Variants in TOPAZ1 observed in about 807,000 individuals in gnomAD.
TOPAZ1 encodes protein TOPAZ1.
A neutral mutation model predicts 172.2 loss-of-function variants in TOPAZ1; 66 were observed. The ratio of observed to expected loss-of-function variants is 0.38; its 90% CI spans 0.31 to 0.47. The LOEUF is 0.47. Ranked by LOEUF, TOPAZ1 falls within the 20% of genes least tolerant of loss-of-function variation. The probability of loss-of-function intolerance (pLI) is 0.99; values close to 1 mark genes in which losing one functional copy is unlikely to be tolerated. For missense variants in TOPAZ1, 1,822 were observed against 1,972.4 expected (o/e 0.92, Z 1.44); for synonymous variants, 681 against 683.9 (o/e 1.00, Z 0.07).
At chr3:44,301,567 T>C (rs1193646726) in intron 12 of TOPAZ1, among the ~76,000 whole-genome samples, 1 of 152,218 alleles carries the variant, frequency 6.6e-6, no homozygotes, top group East Asian at 1.9e-4. Context: ...TTTGCCAATC[T>C]ATTAGATGAC....
chr3:44,318,349 G>A (rs544077460), intron 16 of TOPAZ1, among the ~76,000 whole-genome samples: 3 of 152,130 alleles, frequency 2.0e-5, no homozygotes, highest in African/African-American at 4.8e-5. Flanking sequence ...CTACTAAGGA[G>A]GCTGAGGCAG....
intron 4 of TOPAZ1, among the ~76,000 whole-genome samples, chr3:44,261,945 A>T (rs1699780123): frequency 6.6e-6 from 1 of 152,062 alleles, no homozygotes; most frequent in Admixed American, 6.6e-5. Context: ...TTAATATTTG[A>T]ACATGTATAA....
intron 16 of TOPAZ1, among the ~76,000 whole-genome samples, chr3:44,313,733 TAAC>T (rs1317387777): frequency 2.6e-5 from 4 of 152,206 alleles, no homozygotes; most frequent in African/African-American, 7.2e-5. Context: ...AGATGTTAGT[TAAC>T]AATTCCAGAT....
chr3:44,300,103 A>C lies in TOPAZ1; in HGVS notation c.3798-3912A>C, dbSNP rs375341084. On this transcript the variant is annotated intron_variant, in intron 12 of 19. Coordinates refer to ENST00000309765, the MANE Select transcript of TOPAZ1 (RefSeq NM_001145030.2). Reference sequence around the variant, plus strand: ...TGTACCCTAAAACTTAAAGTATAATAATAATAAAATAAATAAATAAATAAA... The same window carrying C: ...TGTACCCTAAAACTTAAAGTATAATCATAATAAAATAAATAAATAAATAAA... 1.2e-4 allele frequency among the ~76,000 whole-genome samples: 18 copies of C among 150,894 alleles called. No individual in the cohort carries two copies. In the East Asian group the frequency reaches 1.7e-3, roughly 15 times the overall value.
chr3:44,267,499 G>A (rs1295627282), intron 6 of TOPAZ1, among the ~76,000 whole-genome samples: 1 of 151,938 alleles, frequency 6.6e-6, no homozygotes, highest in Non-Finnish European at 1.5e-5. Context: ...GTTTAACGGT[G>A]TTGGCCAGGC....
chr3:44,333,620 G>T (rs934127413), downstream of TOPAZ1, among the ~76,000 whole-genome samples: 3 of 152,128 alleles, frequency 2.0e-5, no homozygotes, highest in East Asian at 5.8e-4. Flanking sequence ...TGGATGGAAT[G>T]GTTTACAAGT....
intron 12 of TOPAZ1, among the ~76,000 whole-genome samples, chr3:44,293,333 G>A (rs1372782695): frequency 1.3e-5 from 2 of 152,028 alleles, no homozygotes; most frequent in African/African-American, 2.4e-5. Flanking sequence ...ACAGATTCAG[G>A]CAGGTCCTCC....
chr3:44,306,105 G>GA (rs906976145), intron 14 of TOPAZ1, among the ~76,000 whole-genome samples: 5 of 152,146 alleles, frequency 3.3e-5, no homozygotes, highest in African/African-American at 1.2e-4. Flanking sequence ...TTTAGGCTTC[G>GA]AACACACCAC....
chr3:44,274,115 T>C (rs1009990293), intron 8 of TOPAZ1, among the ~76,000 whole-genome samples: 7 of 143,444 alleles, frequency 4.9e-5, no homozygotes, highest in South Asian at 2.2e-4. Context: ...CCCTGTCTCT[T>C]TTTTTTTTTT....
intron 18 of TOPAZ1, among the ~76,000 whole-genome samples, chr3:44,327,797 TAC>T (rs958442839): frequency 1.3e-4 from 19 of 151,980 alleles, no homozygotes; most frequent in African/African-American, 4.4e-4. Context: ...TAGGCTGGAG[TAC>T]AGTGGCACAA....
intron 8 of TOPAZ1, among the ~76,000 whole-genome samples, chr3:44,276,162 GTGTT>G (rs1485703995): frequency 1.3e-5 from 2 of 151,994 alleles, no homozygotes. Flanking sequence ...TCTCTTCACT[GTGTT>G]TGCTGTGCAG....
rs200454057 is a variant in TOPAZ1 at position 44,243,795 on chromosome 3, A to G, written c.1289A>G (p.Asn430Ser). The change falls in exon 2 of 20, where the codon AAT becomes AGT. Residue 430 changes from asparagine to serine, a missense_variant. Around this residue, in one of 2 missense-constraint regions of TOPAZ1, gnomAD observed 1,489 missense variants for 1,490.8 expected, o/e 1.00. Transcript: ENST00000309765. ...IEPLLKEETE[N>S]ASEPLGYESM... Reference sequence around the variant, plus strand: ...CCACTTTTGAAAGAAGAAACAGAGAATGCTTCAGAGCCGTTAGGTTATGAA... The same window carrying G: ...CCACTTTTGAAAGAAGAAACAGAGAGTGCTTCAGAGCCGTTAGGTTATGAA... 9.0e-6 allele frequency: 14 copies of G among 1,551,650 alleles called. No individual in the cohort carries two copies. The South Asian group carries it at 1.3e-4, about 15-fold the overall frequency.
intron 8 of TOPAZ1, among the ~76,000 whole-genome samples, chr3:44,275,685 T>C (rs1166865553): frequency 6.6e-6 from 1 of 152,058 alleles, no homozygotes; most frequent in Non-Finnish European, 1.5e-5. Flanking sequence ...CCCTTTAATT[T>C]ACTAATTTTT....
At chr3:44,289,753 C>G (rs1161709242) in intron 11 of TOPAZ1, among the ~76,000 whole-genome samples, 1 of 152,152 alleles carries the variant, frequency 6.6e-6, no homozygotes, top group African/African-American at 2.4e-5. Flanking sequence ...CCACTTACCC[C>G]TGGTATTGTT....
chr3:44,329,356 T>C (rs1321457816), intron 19 of TOPAZ1, among the ~76,000 whole-genome samples: 2 of 152,186 alleles, frequency 1.3e-5, no homozygotes, highest in Non-Finnish European at 2.9e-5. Context: ...AGAGGATCCT[T>C]TTGCTAGATG....
At chr3:44,275,424 G>C (rs935630632) in intron 8 of TOPAZ1, among the ~76,000 whole-genome samples, 1 of 151,856 alleles carries the variant, frequency 6.6e-6, no homozygotes, top group Non-Finnish European at 1.5e-5. Flanking sequence ...AACTTCTTTA[G>C]CTCCCACGTA....
intron 2 of TOPAZ1, among the ~76,000 whole-genome samples, chr3:44,254,718 G>T (rs1042102424): frequency 6.6e-6 from 1 of 150,530 alleles, no homozygotes; most frequent in Non-Finnish European, 1.5e-5. Flanking sequence ...TGTATATCTT[G>T]TCAAGCTCTC....
intron 17 of TOPAZ1, 65 bp from the exon 18 acceptor site, chr3:44,323,027 A>G: frequency 9.1e-7 from 1 of 1,104,516 alleles, no homozygotes; most frequent in Non-Finnish European, 1.3e-6. Context: ...AAAAAGGAGT[A>G]TGAGATGGAG....
rs148372398 is a variant in TOPAZ1, at chr3:44,259,416, C to G, written c.2956-3003C>G. Among the ~76,000 whole-genome samples the G allele has an allele frequency of 4.1e-3, 629 of 152,276 alleles. 9 individuals are homozygous for G. The highest frequency in any genetic ancestry group is 0.014 in the African/African-American group (601 of 41,528). On this transcript the variant is annotated intron_variant, in intron 4 of 19. Transcript: ENST00000309765. ...CTTTTGAATTTCATCCAGATGGTAG[C>G]GTACTGTTCTTTACCTTGCTTAAGA...
Sources: allele counts gnomAD v4.1 joint callset (sites outside exome capture counted in the v4.1 genomes callset), GRCh38; gene constraint gnomAD v4.1.1; regional missense constraint gnomAD v4.1.1; transcripts MANE v1.5; gene names NCBI Gene and HGNC (gene_info 2026-07-23, HGNC 2026-07-21).